OTOF: variants seen among roughly 807,000 people sequenced by gnomAD.
The protein encoded by OTOF is otoferlin.
In OTOF, 218 loss-of-function variants were observed where a neutral mutation model predicts 236.8. The observed-to-expected ratio is 0.92, with a 90% confidence interval of 0.82 to 1.03. The LOEUF (loss-of-function observed/expected upper bound fraction) is 1.03, where lower values mean the gene tolerates loss of function less well. Ranked by LOEUF, OTOF falls within the 50% of genes least tolerant of loss-of-function variation. The pLI, the probability that OTOF is intolerant of heterozygous loss-of-function variation, is 0.00. For missense variants in OTOF, 2,590 were observed against 2,694.4 expected (o/e 0.96, Z 0.86); for synonymous variants, 1,041 against 1,072.5 (o/e 0.97, Z 0.57).
rs1478652617 is a variant in OTOF, at chr2:26,463,590, G to A, written c.5104-19C>T. ...GGCGGCCCTGAGGAAGAGGGTTGTG[G>A]CAGATCTCCCAGGGCCTTCTCCCTC... On this transcript the variant is annotated intron_variant, in intron 40 of 46. Transcript: ENST00000272371. The A allele has an allele frequency of 6.3e-7, 1 of 1,576,764 alleles. No individual in the cohort carries two copies. Among genetic ancestry groups the A allele is most frequent in the African/African-American group, 1.3e-5 (1 of 74,336 alleles).
rs562038151 is a variant in OTOF, at chr2:26,459,589, C to G, written c.*17+419G>C. On this transcript the variant is annotated intron_variant, in intron 46 of 46. Transcript: ENST00000272371. ...AAAAAAAAAAAAATTGGGTTACAGT[C>G]TGGGAGAAACATGGCTGGGAGCAGA... Among the ~76,000 whole-genome samples the G allele has an allele frequency of 2.4e-3, 364 of 149,438 alleles. 1 individual carries two copies. Among genetic ancestry groups the G allele is most frequent in the Middle Eastern group, 7.1e-3 (2 of 282 alleles).
In OTOF at chr2:26,516,989, G is replaced by T. The variant is rs534244256; in HGVS notation, c.328-390C>A. ...GCCACCTCCTCTCCTCAGAACAAGG[G>T]CTGCCTGCAGGCATGAGGCGCGGCC... On this transcript the variant is annotated intron_variant, in intron 4 of 46. Transcript: ENST00000272371. Among the ~76,000 whole-genome samples the T allele has an allele frequency of 1.5e-4, 23 of 152,304 alleles. No individual in the cohort carries two copies. The South Asian group carries it at 4.8e-3, about 32-fold the overall frequency.
intron 4 of OTOF, among the ~76,000 whole-genome samples, chr2:26,517,058 G>A (rs1259171180): frequency 6.6e-6 from 1 of 152,208 alleles, no homozygotes; most frequent in African/African-American, 2.4e-5. Context: ...TGAGCTGAAA[G>A]TGGCCTCCGG....
rs942767366 is a variant in OTOF, at chr2:26,485,032, C to T, written c.1046-399G>A. On this transcript the variant is annotated intron_variant, in intron 11 of 46. Transcript: ENST00000272371. ...TGCTCCTGCTCCCCATCTTCAGCCC[C>T]TCTGGGGCTTCCCAGTGCCTTGGGG... 3.3e-5 allele frequency among the ~76,000 whole-genome samples: 5 copies of T among 152,218 alleles called. No individual in the cohort carries two copies. The South Asian group carries it at 1.0e-3, about 31-fold the overall frequency.
chr2:26,457,932 G>A lies in OTOF; in HGVS notation c.*306C>T. Reference sequence around the variant, plus strand: ...AGGCAGGCTCGGCCCAAGGCATGAAGAGTGGACGCTGGGCTCCTCAGGCTC... The same window carrying A: ...AGGCAGGCTCGGCCCAAGGCATGAAAAGTGGACGCTGGGCTCCTCAGGCTC... On this transcript the variant is annotated 3_prime_UTR_variant, in exon 47 of 47. Transcript: ENST00000272371. This position sits in a 1 kb window ranked among gnomAD's most constrained non-coding sequence, Gnocchi z 4.4. The A allele has an allele frequency of 8.7e-7, 1 of 1,148,422 alleles. No individual in the cohort carries two copies. The highest frequency in any genetic ancestry group is 1.3e-6 in the Non-Finnish European group (1 of 797,642). The allele number at this position is 1,148,422 out of a possible 1,614,324, so 71.1% of individuals were successfully genotyped here. A position where few individuals can be genotyped will look rare whatever the true frequency, so the allele number is the denominator to read the frequency against.
intron 25 of OTOF, 69 bp downstream of exon 25, chr2:26,475,290 G>A: frequency 6.4e-7 from 1 of 1,566,328 alleles, no homozygotes; most frequent in Non-Finnish European, 8.8e-7. Context: ...CCTCAGCGCA[G>A]GTGGAGTGCA....
At chr2:26,475,704 A>C (rs185405459) in intron 24 of OTOF, among the ~76,000 whole-genome samples, 16 of 152,240 alleles carry the variant, frequency 1.1e-4, no homozygotes, top group African/African-American at 3.9e-4. Context: ...TGTCTTGTGA[A>C]TATAACCACA....
At position 26,460,289 on chromosome 2, in the gene OTOF, A is replaced by C. The variant is rs1664401264; in HGVS notation, c.5814-84T>G. 8.7e-7 allele frequency: 1 copy of C among 1,153,182 alleles called. No individual in the cohort carries two copies. Among genetic ancestry groups the C allele is most frequent in the Admixed American group, 2.0e-5 (1 of 50,520 alleles). 71.4% of individuals were successfully genotyped at this position (1,153,182 alleles called of 1,614,324 possible). On this transcript the variant is annotated intron_variant, in intron 45 of 46. Coordinates refer to ENST00000272371, the MANE Select transcript of OTOF (RefSeq NM_194248.3). The surrounding 1 kb of genome is among the most constrained non-coding windows in gnomAD (Gnocchi z 5.3). ...TGGCGAGGGGCCAAGACCAAGAGGG[A>C]AGCTGTCCTGGGCTGTGTGTGCAGT...
At chr2:26,504,940 C>G (rs1666210692) in intron 5 of OTOF, among the ~76,000 whole-genome samples, 1 of 152,226 alleles carries the variant, frequency 6.6e-6, no homozygotes, top group South Asian at 2.1e-4. Context: ...GGTCACACAT[C>G]TCCCTGTGGA....
chr2:26,519,888 G>A (rs6747194), intron 3 of OTOF, among the ~76,000 whole-genome samples: 10,718 of 152,250 alleles, frequency 0.07, 670 homozygotes, highest in East Asian at 0.3. Context: ...AAAGCAGTCC[G>A]TTTTGTCGTG....
chr2:26,489,590 G>A, intron 10 of OTOF, 88 bp downstream of exon 10: 2 of 1,102,038 alleles, frequency 1.8e-6, no homozygotes, highest in Non-Finnish European at 2.8e-6. Flanking sequence ...TTTATCATGG[G>A]TCTAGACAGA....
rs529032575 is a variant in OTOF at position 26,476,221 on chromosome 2, A to T, written c.2773T>A (p.Phe925Ile). Residue 925 changes from phenylalanine (F) to isoleucine (I), a missense_variant, in exon 23 of 47, where the codon TTC (phenylalanine) becomes ATC (isoleucine). By Grantham distance (21) the Phe-to-Ile change is conservative. This residue lies in a region of OTOF where 1,379 missense variants were observed against 1,341.6 expected (regional missense o/e 1.03). Transcript: ENST00000272371. ...WLGLSKQRKE[F>I]LCGLPCGFQE... ...AAGCCACAGGGCAGGCCGCACAGGAACTCCTTGCGCTGTTTGCTGAGGCCC... is the reference window on the plus strand; with the variant it reads ...AAGCCACAGGGCAGGCCGCACAGGATCTCCTTGCGCTGTTTGCTGAGGCCC... The T allele has an allele frequency of 1.1e-5, 18 of 1,609,004 alleles. No homozygotes were observed. In the South Asian group the frequency reaches 1.9e-4, roughly 17 times the overall value.
At chr2:26,517,627 C>T (rs753583240) in intron 4 of OTOF, among the ~76,000 whole-genome samples, 3 of 152,144 alleles carry the variant, frequency 2.0e-5, no homozygotes, top group Non-Finnish European at 4.4e-5. Context: ...CTTGGTGGAA[C>T]CAAGTATGTT....
chr2:26,465,171 G>T (rs1330192256), intron 38 of OTOF, 142 bp from the exon 39 acceptor site: 3 of 683,458 alleles, frequency 4.4e-6, no homozygotes, highest in South Asian at 2.8e-5. Context: ...TGGGCCCCAG[G>T]CTCACCTGAG....
rs755666004 is a variant in OTOF, at chr2:26,461,690, C to G, written c.5533+6G>C. 12 of 1,613,780 alleles carry G rather than the reference C, an allele frequency of 7.4e-6. No homozygotes were observed. In the South Asian group the frequency reaches 8.8e-5, roughly 12 times the overall value. The stretch of plus-strand genomic sequence containing the variant: ...CCTGAACCCCCATCCCTGCCCTGCT[C>G]TGCACCCAGGAAGTCGTCAGCGGAG... On this transcript the variant is annotated splice_donor_region_variant and intron_variant, in intron 43 of 46. Coordinates refer to ENST00000272371, the MANE Select transcript of OTOF (RefSeq NM_194248.3). The surrounding 1 kb of genome is among the most constrained non-coding windows in gnomAD (Gnocchi z 6.2).
intron 8 of OTOF, among the ~76,000 whole-genome samples, chr2:26,496,430 G>C (rs774720149): frequency 6.6e-6 from 1 of 151,746 alleles, no homozygotes; most frequent in Non-Finnish European, 1.5e-5. Context: ...AGTAGAGATT[G>C]GGTTTTACCA....
intron 5 of OTOF, chr2:26,510,671 C>A (rs537096748): frequency 1.6e-6 from 2 of 1,274,246 alleles, no homozygotes; most frequent in South Asian, 1.2e-5. Context: ...TCCCCAGAGA[C>A]GCTGTTGCGT....
intron 46 of OTOF, among the ~76,000 whole-genome samples, chr2:26,459,443 T>C (rs2148015243): frequency 6.6e-6 from 1 of 151,198 alleles, no homozygotes; most frequent in South Asian, 2.1e-4. Context: ...TCCCAGCTAC[T>C]CAGGAGGCTG....
rs765642295 is a variant in OTOF at position 26,477,620 on chromosome 2, C to A, written c.2315+29G>T. Reference sequence around the variant, plus strand: ...CCTTTGTCCAGTTCCGCCTCATCCTCCCCCCACCTGCCGCCCCTCCCTTCT... The same window carrying A: ...CCTTTGTCCAGTTCCGCCTCATCCTACCCCCACCTGCCGCCCCTCCCTTCT... On this transcript the variant is annotated intron_variant, in intron 19 of 46. Coordinates refer to ENST00000272371, the MANE Select transcript of OTOF (RefSeq NM_194248.3). The surrounding 1 kb of genome is among the most constrained non-coding windows in gnomAD (Gnocchi z 4.7). 6.2e-7 allele frequency: 1 copy of A among 1,610,100 alleles called. No homozygotes were observed. Among genetic ancestry groups the A allele is most frequent in the South Asian group, 1.1e-5 (1 of 90,922 alleles).
Sources: allele counts gnomAD v4.1 joint callset (sites outside exome capture counted in the v4.1 genomes callset), GRCh38; gene constraint gnomAD v4.1.1; regional missense constraint gnomAD v4.1.1; non-coding constraint Gnocchi (gnomAD v3.1); transcripts MANE v1.5; gene names NCBI Gene and HGNC (gene_info 2026-07-23, HGNC 2026-07-21).